The following MEGF6 variants were observed in gnomAD, a reference collection of about 807,000 sequenced individuals.
The protein encoded by MEGF6 is multiple EGF like domains 6, also known as multiple epidermal growth factor-like domains protein 6.
In MEGF6, 184 loss-of-function variants were observed where a neutral mutation model predicts 207.1. That is an observed-to-expected ratio of 0.89 (90% CI 0.79 to 1.00). The LOEUF (loss-of-function observed/expected upper bound fraction) is 1.00, where lower values mean the gene tolerates loss of function less well. Among genes scored for constraint, MEGF6 ranks in the 50% least tolerant of loss-of-function variants. MEGF6 has a pLI of 0.00. For missense variants in MEGF6, 2,282 were observed against 2,202.9 expected, an observed-to-expected ratio of 1.04 and a Z score of -0.72; for synonymous variants, 1,038 against 910.0, an observed-to-expected ratio of 1.14 and a Z score of -2.53.
intron 1 of MEGF6, among the ~76,000 whole-genome samples, chr1:3,607,551 G>T (rs142384680): frequency 6.6e-6 from 1 of 152,200 alleles, no homozygotes; most frequent in Admixed American, 6.5e-5. Flanking sequence ...GCACGGCCCC[G>T]GCGGCCTTTC....
chr1:3,612,890 G>A (rs1644347111), upstream of MEGF6, among the ~76,000 whole-genome samples: 1 of 152,198 alleles, frequency 6.6e-6, no homozygotes, highest in Non-Finnish European at 1.5e-5. Flanking sequence ...CAGCCTTGCT[G>A]TCACCCCAGC....
At chr1:3,621,551 G>GTTATCTTATATTT in the MEGF6 span, among the ~76,000 whole-genome samples, 1 of 152,208 alleles carries the variant, frequency 6.6e-6, no homozygotes, top group Non-Finnish European at 1.5e-5. Flanking sequence ...TCTAGATCTA[G>GTTATCTTATATTT]TATAACTCTT....
chr1:3,541,473 A>G (rs1642516346), intron 4 of MEGF6, among the ~76,000 whole-genome samples: 2 of 152,258 alleles, frequency 1.3e-5, no homozygotes. Context: ...AAAAAGCTCC[A>G]GCACCAAGGG....
chr1:3,504,123 A>G (rs913072243), intron 17 of MEGF6, among the ~76,000 whole-genome samples: 5 of 150,276 alleles, frequency 3.3e-5, no homozygotes, highest in Admixed American at 3.3e-4. Flanking sequence ...GAGGCAGAGG[A>G]GGGGGCTGGC....
chr1:3,497,317 T>C lies in MEGF6; in HGVS notation c.3397A>G (p.Ser1133Gly). Residue 1133 changes from serine to glycine, a missense_variant, in exon 27 of 37, where the codon AGC becomes GGC. Coordinates refer to ENST00000356575, the MANE Select transcript of MEGF6 (RefSeq NM_001409.4). ...TGGCAGGCAGCGCCAGGCGGGCAGC[T>C]GCAGCGCTGGGCACAGGCCTCTCCA... Reference protein sequence around the residue: ...WFGEACAQRCSCPPGAACHHV... With the variant: ...WFGEACAQRCGCPPGAACHHV... The C allele has an allele frequency of 6.4e-7, 1 of 1,552,866 alleles. No individual in the cohort carries two copies. Among genetic ancestry groups the C allele is most frequent in the Non-Finnish European group, 8.7e-7 (1 of 1,153,752 alleles).
chr1:3,563,410 A>G (rs375222984), intron 4 of MEGF6, among the ~76,000 whole-genome samples: 37 of 152,080 alleles, frequency 2.4e-4, no homozygotes, highest in African/African-American at 8.7e-4. Context: ...GCCACGCCCC[A>G]GCTATAGGTC....
intron 4 of MEGF6, among the ~76,000 whole-genome samples, chr1:3,548,611 C>T (rs1642790560): frequency 6.6e-6 from 1 of 152,254 alleles, no homozygotes. Flanking sequence ...GTGGGGCAGG[C>T]ACCCAAGCTC....
intron 2 of MEGF6, 73 bp downstream of exon 2, chr1:3,602,393 C>T: frequency 6.2e-7 from 1 of 1,602,246 alleles, no homozygotes; most frequent in African/African-American, 1.3e-5. Flanking sequence ...CCTCAGCTGC[C>T]CAGCTCCCGG....
chr1:3,558,695 G>A (rs992600815), intron 4 of MEGF6, among the ~76,000 whole-genome samples: 1 of 152,172 alleles, frequency 6.6e-6, no homozygotes, highest in Non-Finnish European at 1.5e-5. Flanking sequence ...TTCTCTGTTC[G>A]GTGTGCTCTT....
the MEGF6 span, among the ~76,000 whole-genome samples, chr1:3,617,905 C>T: frequency 1.3e-5 from 2 of 152,160 alleles, no homozygotes; most frequent in African/African-American, 2.4e-5. Flanking sequence ...CAGGCTGGCC[C>T]GGTCCTCGGT....
At chr1:3,541,293 C>A (rs556143969) in intron 4 of MEGF6, among the ~76,000 whole-genome samples, 1 of 152,176 alleles carries the variant, frequency 6.6e-6, no homozygotes, top group African/African-American at 2.4e-5. Flanking sequence ...CGGAGGCTTT[C>A]GGCCACCATG....
intron 4 of MEGF6, among the ~76,000 whole-genome samples, chr1:3,564,358 G>A (rs1169047350): frequency 6.6e-6 from 1 of 151,948 alleles, no homozygotes; most frequent in Non-Finnish European, 1.5e-5. Context: ...TACTGGAGGG[G>A]TCAGTAAAGC....
chr1:3,547,552 G>A (rs1227472610), intron 4 of MEGF6, among the ~76,000 whole-genome samples: 6 of 152,174 alleles, frequency 3.9e-5, no homozygotes. Context: ...CTGAGGCCAG[G>A]AGGAGTTTCA....
chr1:3,491,132 G>T (rs867637717), intron 35 of MEGF6, among the ~76,000 whole-genome samples, 173 bp from the exon 36 acceptor site: 132 of 151,950 alleles, frequency 8.7e-4, no homozygotes, highest in African/African-American at 2.8e-3. Flanking sequence ...GGGAGCTGGG[G>T]GGGGGGGCTC....
intron 4 of MEGF6, 102 bp from the exon 5 acceptor site, chr1:3,524,348 G>C (rs991205916): frequency 2.7e-6 from 4 of 1,473,058 alleles, no homozygotes; most frequent in African/African-American, 2.8e-5. Flanking sequence ...GGTCCCTCCC[G>C]TGCCTCGAGG....
chr1:3,602,471 C>T lies in MEGF6; in HGVS notation c.261G>A (p.Glu87=). The part of the protein sequence containing the change: ...CGWQAWCVGH[E]RRTVYYMGYR... ...ACACGGGCCCCTGCACTTACCTCCG[C>T]TCATGACCCACGCACCACGCCTGCC... Residue 87 remains glutamate (E), a synonymous_variant, in exon 2 of 37, where the codon GAG becomes GAA. Coordinates refer to ENST00000356575, the MANE Select transcript of MEGF6 (RefSeq NM_001409.4). The T allele has an allele frequency of 6.2e-7, 1 of 1,613,416 alleles. No homozygotes were observed. The highest frequency in any genetic ancestry group is 8.5e-7 in the Non-Finnish European group (1 of 1,179,910).
At position 3,496,775 on chromosome 1, in the gene MEGF6, G is replaced by C. The variant is rs760540452; in HGVS notation, c.3622C>G (p.Pro1208Ala). Residue 1208 changes from proline (P) to alanine (A), a missense_variant, in exon 29 of 37, where the codon CCC becomes GCC. Coordinates refer to ENST00000356575, the MANE Select transcript of MEGF6 (RefSeq NM_001409.4). ...TCACAGCCTGGCCCATACCGCCCGGGCGGACATCCTGCAGGGAGAGGGGCT... is the reference window on the plus strand; with the variant it reads ...TCACAGCCTGGCCCATACCGCCCGGCCGGACATCCTGCAGGGAGAGGGGCT... The part of the protein sequence containing the change: ...HGPSCQQRCP[P>A]GRYGPGCEQL... 5.1e-6 allele frequency: 8 copies of C among 1,557,252 alleles called. No individual in the cohort carries two copies. Among genetic ancestry groups the C allele is most frequent in the Non-Finnish European group, 6.1e-6 (7 of 1,150,800 alleles).
intron 4 of MEGF6, among the ~76,000 whole-genome samples, chr1:3,574,290 C>T (rs1310227571): frequency 2.0e-5 from 3 of 151,988 alleles, no homozygotes; most frequent in Admixed American, 6.6e-5. Flanking sequence ...CTTGGCTGAC[C>T]CTTCCTTCAT....
Position 3,509,906 on chromosome 1 carries a change from C to G in MEGF6, c.1321G>C (p.Gly441Arg). Residue 441 changes from glycine to arginine, a missense_variant, in exon 11 of 37, where the codon GGC becomes CGC. Transcript: ENST00000356575. ...AGSFQCSCEA[G>R]YRLHEDRRGC... ...CTACGGTCCTCGTGCAGCCGGTAGC[C>G]GGCCTCGCAGGAGCACTGGAAGGAG... 2 of 1,562,456 alleles carry G rather than the reference C, an allele frequency of 1.3e-6. No individual in the cohort carries two copies. The highest frequency in any genetic ancestry group is 4.7e-5 in the East Asian group (2 of 42,362).
Sources: allele counts gnomAD v4.1 joint callset (sites outside exome capture counted in the v4.1 genomes callset), GRCh38; gene constraint gnomAD v4.1.1; transcripts MANE v1.5; gene names NCBI Gene and HGNC (gene_info 2026-07-23, HGNC 2026-07-21).